Variants in ULK4 observed in about 807,000 individuals in gnomAD.
ULK4 encodes inactive serine/threonine-protein kinase ULK4.
A neutral mutation model predicts 160.6 loss-of-function variants in ULK4; 133 were observed. The observed-to-expected ratio is 0.83, with a 90% confidence interval of 0.72 to 0.96. The LOEUF (loss-of-function observed/expected upper bound fraction) is 0.96, where lower values mean the gene tolerates loss of function less well. Ranked by LOEUF, ULK4 falls within the 40% of genes least tolerant of loss-of-function variation. The pLI, the probability that ULK4 is intolerant of heterozygous loss-of-function variation, is 0.00. For synonymous variants in ULK4, 534 were observed against 539.8 expected (o/e 0.99, Z 0.15); for missense variants, 1,580 against 1,499.5 (o/e 1.05, Z -0.89).
At chr3:41,513,471 A>T (rs1354013609) in intron 32 of ULK4, among the ~76,000 whole-genome samples, 1 of 152,226 alleles carries the variant, frequency 6.6e-6, no homozygotes, top group Admixed American at 6.5e-5. Flanking sequence ...CATCTCTATT[A>T]GAAATACCAA....
At chr3:41,903,270 A>G (rs1698435991) in intron 12 of ULK4, among the ~76,000 whole-genome samples, 1 of 152,172 alleles carries the variant, frequency 6.6e-6, no homozygotes, top group South Asian at 2.1e-4. Context: ...AAATTAATCA[A>G]TGGGAAAACT....
chr3:41,560,775 G>T (rs909804582), intron 32 of ULK4, among the ~76,000 whole-genome samples: 2 of 152,158 alleles, frequency 1.3e-5, no homozygotes, highest in Non-Finnish European at 2.9e-5. Context: ...TGAGACTATG[G>T]GGTTTTCTAA....
At chr3:41,294,409 C>T (rs2125705676) in intron 35 of ULK4, among the ~76,000 whole-genome samples, 1 of 152,220 alleles carries the variant, frequency 6.6e-6, no homozygotes, top group Admixed American at 6.5e-5. Context: ...TATAAATTAC[C>T]TAGTCTGTGG....
intron 16 of ULK4, 32 bp from the exon 17 acceptor site, chr3:41,883,984 G>A (rs777972511): frequency 1.3e-6 from 2 of 1,509,042 alleles, no homozygotes; most frequent in Non-Finnish European, 1.8e-6. Context: ...GCTCTGAAAA[G>A]AAGAGTCGGG....
chr3:41,545,375 C>T (rs2086824976), intron 32 of ULK4, among the ~76,000 whole-genome samples: 1 of 152,124 alleles, frequency 6.6e-6, no homozygotes, highest in African/African-American at 2.4e-5. Context: ...ATTTCAACTT[C>T]ATTTTAAAAG....
chr3:41,937,251 A>G, intron 3 of ULK4: 1 of 637,664 alleles, frequency 1.6e-6, no homozygotes, highest in Non-Finnish European at 2.8e-6. Context: ...ATCAGAAACA[A>G]CAGCTGAAGC....
intron 21 of ULK4, among the ~76,000 whole-genome samples, chr3:41,774,644 C>G (rs1171345659): frequency 1.3e-4 from 19 of 149,832 alleles, no homozygotes; most frequent in Non-Finnish European, 2.4e-4. Flanking sequence ...ACTAGTTCAA[C>G]CATTGTGGAA....
intron 33 of ULK4, among the ~76,000 whole-genome samples, chr3:41,462,231 C>A (rs1438604484): frequency 3.3e-5 from 5 of 152,184 alleles, no homozygotes; most frequent in Non-Finnish European, 5.9e-5. Context: ...TCTAGGGAGT[C>A]ATTCTTGGCT....
intron 1 of ULK4, among the ~76,000 whole-genome samples, chr3:41,956,855 G>T (rs116452967): frequency 0.032 from 4,944 of 152,296 alleles, 252 homozygotes; most frequent in African/African-American, 0.11. Flanking sequence ...CTATGACAGA[G>T]TTGACTCTAC....
chr3:41,534,683 T>C (rs552658589), intron 32 of ULK4, among the ~76,000 whole-genome samples: 1 of 152,276 alleles, frequency 6.6e-6, no homozygotes, highest in African/African-American at 2.4e-5. Context: ...TCATTGACTC[T>C]AAGATGCCAC....
intron 32 of ULK4, among the ~76,000 whole-genome samples, chr3:41,502,041 G>A (rs1292031945): frequency 6.6e-6 from 1 of 152,146 alleles, no homozygotes; most frequent in African/African-American, 2.4e-5. Context: ...TCTTTTTAAA[G>A]GCTGAATAGT....
intron 30 of ULK4, among the ~76,000 whole-genome samples, chr3:41,654,888 T>C (rs918153825): frequency 3.3e-5 from 5 of 152,230 alleles, no homozygotes; most frequent in Admixed American, 3.3e-4. Context: ...AGAAACCATG[T>C]ATGAGTGATC....
At chr3:41,711,666 C>T (rs1260906569) in intron 25 of ULK4, among the ~76,000 whole-genome samples, 1 of 152,150 alleles carries the variant, frequency 6.6e-6, no homozygotes, top group Non-Finnish European at 1.5e-5. Context: ...ACTATAACCA[C>T]CACAAGCCAT....
At chr3:41,312,051 G>A (rs553544181) in intron 35 of ULK4, among the ~76,000 whole-genome samples, 8 of 150,812 alleles carry the variant, frequency 5.3e-5, no homozygotes, top group Admixed American at 2.0e-4. Flanking sequence ...ACAGCTCACC[G>A]CAGACTCAAA....
intron 18 of ULK4, among the ~76,000 whole-genome samples, chr3:41,823,267 T>C (rs527834900): frequency 3.9e-5 from 6 of 152,182 alleles, no homozygotes; most frequent in African/African-American, 1.2e-4. Flanking sequence ...GGCAGAAGCA[T>C]GGCATAGTGG....
intron 32 of ULK4, among the ~76,000 whole-genome samples, chr3:41,488,910 A>G (rs2084643838): frequency 6.6e-6 from 1 of 152,084 alleles, no homozygotes; most frequent in Non-Finnish European, 1.5e-5. Flanking sequence ...AGCTGAGAAA[A>G]TGACACACTC....
In ULK4 at chr3:41,515,145, T is replaced by G. The variant is rs1361401425; in HGVS notation, c.3226+50880A>C. ...GATGGTACACCCTTGTAATCCCACC[T>G]ACTTAGGAGGCTAAGGCAGAAGAAT... On this transcript the variant is annotated intron_variant, in intron 32 of 36. Coordinates refer to ENST00000301831, the MANE Select transcript of ULK4 (RefSeq NM_017886.4). 2.6e-5 allele frequency among the ~76,000 whole-genome samples: 4 copies of G among 151,928 alleles called. No homozygotes were observed. The East Asian group carries it at 7.7e-4, about 29-fold the overall frequency.
chr3:41,749,640 T>C (rs957319112), intron 22 of ULK4, among the ~76,000 whole-genome samples: 2 of 152,204 alleles, frequency 1.3e-5, no homozygotes, highest in African/African-American at 4.8e-5. Context: ...CAACTTATGA[T>C]GGGTTTATTG....
At position 41,931,971 on chromosome 3, in the gene ULK4, G is replaced by A; in HGVS notation, c.414C>T (p.Ser138=). ...CTTCCACTTTTGCCAAGCAAAAGTT[G>A]CTAAACTTCAGTGTGCCAGGCCCTT... is the stretch of plus-strand genomic sequence containing the variant. ...LLEGPGTLKF[S]NFCLAKVEGE... The change falls in exon 5 of 37, where the codon AGC becomes AGT. Residue 138 remains serine (S), a synonymous_variant. Coordinates refer to ENST00000301831, the MANE Select transcript of ULK4 (RefSeq NM_017886.4). 1 of 1,613,808 alleles carries A rather than the reference G, an allele frequency of 6.2e-7. No individual in the cohort carries two copies. The highest frequency in any genetic ancestry group is 8.5e-7 in the Non-Finnish European group (1 of 1,179,926).
Sources: gnomAD v4.1 joint callset for allele counts (sites outside exome capture counted in the v4.1 genomes callset) on GRCh38, gnomAD v4.1.1 for gene constraint, MANE v1.5 for transcripts, NCBI Gene and HGNC (gene_info 2026-07-23, HGNC 2026-07-21) for gene names.